Variants in GTF3C1 observed in about 807,000 individuals in gnomAD.
GTF3C1 encodes general transcription factor IIIC subunit 1.
In GTF3C1, 57 loss-of-function variants were observed where a neutral mutation model predicts 226.7. The ratio of observed to expected loss-of-function variants is 0.25; its 90% CI spans 0.20 to 0.31. The LOEUF is 0.31. GTF3C1 is among the 10% of genes least tolerant of loss of function. The pLI, the probability that GTF3C1 is intolerant of heterozygous loss-of-function variation, is 1.00. For missense variants in GTF3C1, 2,217 were observed against 2,776.1 expected (o/e 0.80, Z 4.53); for synonymous variants, 1,090 against 1,084.8 (o/e 1.00, Z -0.09).
chr16:27,489,810 T>C (rs919961837), intron 19 of GTF3C1, 67 bp from the exon 20 acceptor site: 1 of 1,520,916 alleles, frequency 6.6e-7, no homozygotes, highest in East Asian at 2.3e-5. Flanking sequence ...CTACTACCTC[T>C]GGCTGGGTGG....
intron 2 of GTF3C1, among the ~76,000 whole-genome samples, chr16:27,544,718 A>T (rs1307628978): frequency 2.6e-5 from 4 of 152,180 alleles, no homozygotes; most frequent in Non-Finnish European, 5.9e-5. Flanking sequence ...CTGACTGAGG[A>T]TTCACAAGAG....
intron 2 of GTF3C1, among the ~76,000 whole-genome samples, chr16:27,542,964 C>T (rs900486499): frequency 6.6e-6 from 1 of 152,188 alleles, no homozygotes; most frequent in South Asian, 2.1e-4. Context: ...AAGACAGGAA[C>T]AGAAGGCAGG....
In GTF3C1 at chr16:27,492,552, G is replaced by T; in HGVS notation, c.2974-37C>A. On this transcript the variant is annotated intron_variant, in intron 18 of 36. Transcript: ENST00000356183. The surrounding 1 kb of genome is among the most constrained non-coding windows in gnomAD (Gnocchi z 5.0). ...CACCAGACAGGGAGAACCCACATTG[G>T]GTCTGGCTGCTTGGAGACCGTTTAA... 1 of 1,569,242 alleles carries T rather than the reference G, an allele frequency of 6.4e-7. No individual in the cohort carries two copies. Among genetic ancestry groups the T allele is most frequent in the Non-Finnish European group, 8.8e-7 (1 of 1,139,160 alleles).
rs751806267 is a variant in GTF3C1, at chr16:27,465,502, G to C, written c.5113C>G (p.Leu1705Val). 6.2e-7 allele frequency: 1 copy of C among 1,602,930 alleles called. No individual in the cohort carries two copies. Among genetic ancestry groups the C allele is most frequent in the Admixed American group, 1.7e-5 (1 of 60,012 alleles). The change falls in exon 33 of 37, where the codon CTC (leucine) becomes GTC (valine). Residue 1705 changes from leucine to valine, a missense_variant. Around this residue, in one of 12 missense-constraint regions of GTF3C1, gnomAD observed 455 missense variants for 441.9 expected, o/e 1.03. Coordinates refer to ENST00000356183, the MANE Select transcript of GTF3C1 (RefSeq NM_001520.4). ...LEELTMGTSC[L>V]PDTFTKLINP... ...ATCAGCTTGGTGAACGTATCAGGGA[G>C]GCAGGAGGTTCCCATTGTTAGCTCT...
intron 26 of GTF3C1, among the ~76,000 whole-genome samples, chr16:27,481,993 C>T (rs981900912): frequency 6.6e-6 from 1 of 152,184 alleles, no homozygotes; most frequent in African/African-American, 2.4e-5. Context: ...TAGGATACAC[C>T]AGGACAGTTT....
chr16:27,485,794 C>T (rs1374701434), intron 24 of GTF3C1, among the ~76,000 whole-genome samples: 1 of 152,192 alleles, frequency 6.6e-6, no homozygotes, highest in Non-Finnish European at 1.5e-5. Flanking sequence ...TGTGATCGTG[C>T]CACTGCACTC....
intron 27 of GTF3C1, among the ~76,000 whole-genome samples, chr16:27,478,851 C>CAA (rs770105315): frequency 4.8e-4 from 39 of 80,426 alleles, no homozygotes; most frequent in African/African-American, 1.7e-3. Context: ...TGTTACAATC[C>CAA]AAAAAAAAAA....
At position 27,470,228 on chromosome 16, in the gene GTF3C1, C is replaced by T; in HGVS notation, c.4694G>A (p.Gly1565Glu). The change falls in exon 31 of 37, where the codon GGA (glycine) becomes GAA (glutamate). Residue 1565 changes from glycine (G) to glutamate (E), a missense_variant. Gly to Glu is a moderately conservative substitution (Grantham distance 98, BLOSUM62 -2). Around this residue, in one of 12 missense-constraint regions of GTF3C1, gnomAD observed 546 missense variants for 663.0 expected, o/e 0.82. Transcript: ENST00000356183. This position sits in a 1 kb window ranked among gnomAD's most constrained non-coding sequence, Gnocchi z 4.9. ...DMVAFSLDGP[G>E]GNCVAVLTLF... Reference sequence around the variant, plus strand: ...GGTCAGGACGGCCACACAATTTCCTCCAGGGCCGTCCAGTGAAAAGGCCAC... The same window carrying T: ...GGTCAGGACGGCCACACAATTTCCTTCAGGGCCGTCCAGTGAAAAGGCCAC... 2 of 1,613,438 alleles carry T rather than the reference C, an allele frequency of 1.2e-6. No individual in the cohort carries two copies. Among genetic ancestry groups the T allele is most frequent in the Non-Finnish European group, 1.7e-6 (2 of 1,179,326 alleles).
rs1303079349 is a variant in GTF3C1, at chr16:27,501,239, G to T, written c.2013C>A (p.Leu671=). Residue 671 remains leucine, a synonymous_variant, in exon 12 of 37, where the codon CTC becomes CTA. Transcript: ENST00000356183. ...RLVRNLSEEG[L]LRLYRTTVIQ... is the part of the protein sequence containing the mutation. ...TGACAGTGGTCCGATACAATCGCAA[G>T]AGACCTTCCTCAGACAGGTTCCGCA... 1.2e-6 allele frequency: 2 copies of T among 1,614,134 alleles called. No homozygotes were observed. The highest frequency in any genetic ancestry group is 1.7e-6 in the Non-Finnish European group (2 of 1,179,986).
Position 27,470,488 on chromosome 16 carries a change from G to A in GTF3C1, c.4527-93C>T. 9.8e-7 allele frequency: 1 copy of A among 1,024,274 alleles called. No homozygotes were observed. Among genetic ancestry groups the A allele is most frequent in the Admixed American group, 2.1e-5 (1 of 47,206 alleles). 63.4% of individuals were successfully genotyped at this position (1,024,274 alleles called of 1,614,324 possible). On this transcript the variant is annotated intron_variant, in intron 30 of 36. Coordinates refer to ENST00000356183, the MANE Select transcript of GTF3C1 (RefSeq NM_001520.4). This position sits in a 1 kb window ranked among gnomAD's most constrained non-coding sequence, Gnocchi z 4.9. ...TATGAGCACGTCAAACCATTATGGT[G>A]AGAACTAAGCAAAACGCCCCACTTC...
At chr16:27,532,579 C>T (rs2088933754) in intron 5 of GTF3C1, among the ~76,000 whole-genome samples, 1 of 152,208 alleles carries the variant, frequency 6.6e-6, no homozygotes, top group Admixed American at 6.5e-5. Flanking sequence ...GCCACAGCCT[C>T]TGCTCTGGGG....
intron 34 of GTF3C1, chr16:27,464,096 TCA>T (rs2087745447): frequency 2.2e-6 from 1 of 447,326 alleles, no homozygotes; most frequent in African/African-American, 2.0e-5. Context: ...GCTCTGGAAC[TCA>T]CAGTGCTGCC....
intron 10 of GTF3C1, among the ~76,000 whole-genome samples, chr16:27,504,220 G>T (rs1052221977): frequency 6.6e-6 from 1 of 152,184 alleles, no homozygotes; most frequent in Non-Finnish European, 1.5e-5. Flanking sequence ...TCTGGGAATG[G>T]ACTTCCATCA....
intron 27 of GTF3C1, 67 bp from the exon 28 acceptor site, chr16:27,478,598 G>A (rs1373950334): frequency 3.9e-6 from 4 of 1,034,354 alleles, no homozygotes; most frequent in Non-Finnish European, 6.2e-6. Flanking sequence ...GCGGATGCTG[G>A]CTCAAGATGG....
intron 6 of GTF3C1, among the ~76,000 whole-genome samples, chr16:27,528,233 C>A (rs2088862208): frequency 6.6e-6 from 1 of 152,042 alleles, no homozygotes; most frequent in Non-Finnish European, 1.5e-5. Context: ...AGAGATCGCA[C>A]CACTGCACTA....
intron 1 of GTF3C1, 41 bp downstream of exon 1, chr16:27,549,629 G>GCGCC (rs772765425): frequency 5.5e-5 from 43 of 780,650 alleles, no homozygotes; most frequent in East Asian, 2.0e-4. Context: ...CCCGGGCCCT[G>GCGCC]CGCCCGCCCG....
chr16:27,547,064 C>T (rs760482044), intron 1 of GTF3C1, among the ~76,000 whole-genome samples: 2 of 152,058 alleles, frequency 1.3e-5, no homozygotes, highest in Non-Finnish European at 2.9e-5. Context: ...CTTAAATGAT[C>T]CTGTCTCCTC....
At chr16:27,510,372 C>T (rs569311030) in intron 7 of GTF3C1, among the ~76,000 whole-genome samples, 5 of 150,750 alleles carry the variant, frequency 3.3e-5, no homozygotes, top group Non-Finnish European at 7.4e-5. Flanking sequence ...GGCGACACAG[C>T]GAGACTCCAT....
At chr16:27,498,532 C>A in intron 13 of GTF3C1, 98 bp downstream of exon 13, 2 of 753,300 alleles carry the variant, frequency 2.7e-6, no homozygotes, top group Non-Finnish European at 4.9e-6. Flanking sequence ...ATTCACTGAT[C>A]CATGCAGGTA....
Sources: gnomAD v4.1 joint callset for allele counts (sites outside exome capture counted in the v4.1 genomes callset) on GRCh38, gnomAD v4.1.1 for gene constraint, gnomAD v4.1.1 regional missense constraint, Gnocchi (gnomAD v3.1) non-coding constraint, MANE v1.5 for transcripts, NCBI Gene and HGNC (gene_info 2026-07-23, HGNC 2026-07-21) for gene names.